The following ANKRD27 variants were observed in gnomAD, a reference collection of about 807,000 sequenced individuals.
ANKRD27 encodes ankyrin repeat domain-containing protein 27.
ANKRD27 carries 112 observed loss-of-function variants against 129.7 expected under a neutral mutation model. The ratio of observed to expected loss-of-function variants is 0.86; its 90% confidence interval spans 0.74 to 1.01. The LOEUF (loss-of-function observed/expected upper bound fraction) is 1.01. Among genes scored for constraint, ANKRD27 ranks in the 50% least tolerant of loss-of-function variants. The pLI is 0.00. For synonymous variants in ANKRD27, 516 were observed against 511.2 expected, an observed-to-expected ratio of 1.01 and a Z score of -0.13; for missense variants, 1,258 against 1,300.5, an observed-to-expected ratio of 0.97 and a Z score of 0.50.
chr19:32,658,583 G>T (rs1967587645), intron 2 of ANKRD27, among the ~76,000 whole-genome samples: 2 of 152,302 alleles, frequency 1.3e-5, no homozygotes, highest in South Asian at 4.1e-4. Flanking sequence ...ACTCATTTTA[G>T]CCCTGGAGAA....
intron 22 of ANKRD27, 107 bp from the exon 23 acceptor site, chr19:32,607,939 T>TCCCGC: frequency 1.8e-6 from 2 of 1,130,066 alleles, no homozygotes; most frequent in Non-Finnish European, 2.5e-6. Flanking sequence ...CAATGCGGGA[T>TCCCGC]CATGGCGGGA....
chr19:32,618,561 G>C (rs1392575423), intron 20 of ANKRD27, among the ~76,000 whole-genome samples: 1 of 151,974 alleles, frequency 6.6e-6, no homozygotes, highest in African/African-American at 2.4e-5. Context: ...GTCTCCGTTA[G>C]ACTCTGGACC....
intron 12 of ANKRD27, among the ~76,000 whole-genome samples, chr19:32,636,760 A>G (rs1967099209): frequency 1.3e-5 from 2 of 150,396 alleles, no homozygotes; most frequent in East Asian, 1.9e-4. Flanking sequence ...ATATATACAC[A>G]TATTTGAGAC....
At chr19:32,663,951 G>A (rs1195268717) in intron 1 of ANKRD27, among the ~76,000 whole-genome samples, 1 of 149,192 alleles carries the variant, frequency 6.7e-6, no homozygotes, top group African/African-American at 2.5e-5. Flanking sequence ...AGCTACTTGG[G>A]AGGCTGAGGC....
At chr19:32,656,103 GAAAGAAAAGAAAAGA>G (rs535574771) in intron 2 of ANKRD27, among the ~76,000 whole-genome samples, 10 of 123,746 alleles carry the variant, frequency 8.1e-5, no homozygotes, top group African/African-American at 1.7e-4. Context: ...AAGAAAGAAA[GAAAGAAAAGAAAAGA>G]AAAGAAAAGA....
chr19:32,604,519 GT>G (rs1171348123), intron 24 of ANKRD27, 95 bp from the exon 25 acceptor site: 9 of 1,230,228 alleles, frequency 7.3e-6, no homozygotes, highest in Admixed American at 3.0e-5. Context: ...AAAACACATT[GT>G]TTTTTTTATG....
At chr19:32,601,931 T>C (rs1256261645) in intron 26 of ANKRD27, 84 bp downstream of exon 26, 5 of 832,214 alleles carry the variant, frequency 6.0e-6, no homozygotes, top group Admixed American at 2.1e-5. Flanking sequence ...ACTTTACATA[T>C]ACAATTAAAT....
intron 13 of ANKRD27, 95 bp downstream of exon 13, chr19:32,631,307 C>T: frequency 1.8e-6 from 2 of 1,132,872 alleles, no homozygotes; most frequent in Non-Finnish European, 2.6e-6. Context: ...GCATGAGCCA[C>T]CATGCCTGGC....
intron 22 of ANKRD27, among the ~76,000 whole-genome samples, chr19:32,614,279 G>T (rs1359293108): frequency 6.6e-6 from 1 of 152,170 alleles, no homozygotes; most frequent in Non-Finnish European, 1.5e-5. Flanking sequence ...TTCGATAAAG[G>T]ATTTAAAGAC....
Position 32,641,794 on chromosome 19 carries a change from G to T in ANKRD27, c.904+230C>A, listed in dbSNP as rs545066471. Among the ~76,000 whole-genome samples, 8 of 134,172 alleles carry T rather than the reference G, an allele frequency of 6.0e-5. No homozygotes were observed. The East Asian group carries it at 1.5e-3, about 25-fold the overall frequency. The allele number at this position is 134,172 out of a possible 152,430, so 88.0% of individuals were successfully genotyped here. A position where few individuals can be genotyped will look rare whatever the true frequency, so the allele number is the denominator to read the frequency against. On this transcript the variant is annotated intron_variant, in intron 10 of 28. Transcript: ENST00000306065. ...TTTTTTTTTTTTTTTTTGAGAAGGG[G>T]TCTCACTCTATCACCCAGGCTGTAG...
intron 1 of ANKRD27, among the ~76,000 whole-genome samples, chr19:32,667,828 G>A (rs77831703): frequency 0.17 from 14,879 of 89,148 alleles, 1,067 homozygotes; most frequent in East Asian, 0.3. Context: ...GTGAAACTCC[G>A]TCTCAAAAAA....
At chr19:32,661,647 G>T (rs1390609362) in intron 1 of ANKRD27, among the ~76,000 whole-genome samples, 1 of 152,090 alleles carries the variant, frequency 6.6e-6, no homozygotes, top group Non-Finnish European at 1.5e-5. Context: ...CTGGCCAGAA[G>T]TTTTGATGTG....
Position 32,626,697 on chromosome 19 carries a change from G to C in ANKRD27, c.1536+15C>G. ...GAGCAAAGCGACAGCCCGCCACAAA[G>C]GCACCACTGCTCACCGTCACGCTCT... On this transcript the variant is annotated intron_variant, in intron 16 of 28. Coordinates refer to ENST00000306065, the MANE Select transcript of ANKRD27 (RefSeq NM_032139.3). 1 of 1,583,838 alleles carries C rather than the reference G, an allele frequency of 6.3e-7. No individual in the cohort carries two copies. Among genetic ancestry groups the C allele is most frequent in the Non-Finnish European group, 8.6e-7 (1 of 1,162,742 alleles).
In ANKRD27 at chr19:32,613,611, A is replaced by T. The variant is rs1971865453; in HGVS notation, c.2175+2047T>A. ...CAAATGGAATGCCACCCCGCCATGG[A>T]GAAACAGACCTGATTCTAGGCAACA... On this transcript the variant is annotated intron_variant, in intron 22 of 28. Transcript: ENST00000306065. Among the ~76,000 whole-genome samples the T allele has an allele frequency of 2.6e-5, 4 of 152,242 alleles. No homozygotes were observed. In the South Asian group the frequency reaches 8.3e-4, roughly 32 times the overall value.
At chr19:32,660,808 G>A (rs1012066585) in intron 1 of ANKRD27, among the ~76,000 whole-genome samples, 1 of 151,902 alleles carries the variant, frequency 6.6e-6, no homozygotes, top group African/African-American at 2.4e-5. Flanking sequence ...AATTTCTTTC[G>A]GTTATGTAAA....
intron 25 of ANKRD27, among the ~76,000 whole-genome samples, chr19:32,602,635 G>T (rs981266520): frequency 6.6e-6 from 1 of 151,994 alleles, no homozygotes; most frequent in Non-Finnish European, 1.5e-5. Context: ...GCTCACGCCT[G>T]TAATCTCAGC....
At chr19:32,625,841 C>T (rs755311930) in intron 17 of ANKRD27, 33 bp downstream of exon 17, 21 of 1,501,224 alleles carry the variant, frequency 1.4e-5, no homozygotes, top group Admixed American at 2.5e-5. Flanking sequence ...AAAGGGTGAA[C>T]GCAGCCCCCC....
chr19:32,641,204 C>A (rs1967194244), intron 10 of ANKRD27, among the ~76,000 whole-genome samples: 1 of 150,610 alleles, frequency 6.6e-6, no homozygotes, highest in Admixed American at 6.6e-5. Context: ...CCCAGCCGAC[C>A]CTGTCTCTTA....
At position 32,643,431 on chromosome 19, in the gene ANKRD27, C is replaced by T; in HGVS notation, c.639G>A (p.Glu213=). 1 of 1,613,956 alleles carries T rather than the reference C, an allele frequency of 6.2e-7. No individual in the cohort carries two copies. Among genetic ancestry groups the T allele is most frequent in the East Asian group, 2.2e-5 (1 of 44,850 alleles). The change falls in exon 7 of 29, where the codon GAG becomes GAA. Residue 213 remains glutamate, a splice_region_variant and synonymous_variant. Coordinates refer to ENST00000306065, the MANE Select transcript of ANKRD27 (RefSeq NM_032139.3). ...AQMNLMKQAV[E]IYVHHEIYNL... is the part of the protein sequence containing the mutation. The stretch of plus-strand genomic sequence containing the variant: ...CCCAGCCACTCCGCCCCACCCTCAC[C>T]TCCACTGCCTGCTTCATCAGGTTCA...
Sources: allele counts gnomAD v4.1 joint callset (sites outside exome capture counted in the v4.1 genomes callset), GRCh38; gene constraint gnomAD v4.1.1; transcripts MANE v1.5; gene names NCBI Gene and HGNC (gene_info 2026-07-23, HGNC 2026-07-21).